The following SCN1A variants were observed in gnomAD, a reference collection of about 807,000 sequenced individuals.
The protein encoded by SCN1A is sodium channel protein type 1 subunit alpha.
SCN1A carries 13 observed loss-of-function variants against 193.7 expected under a neutral mutation model. That is an observed-to-expected ratio of 0.07 (90% confidence interval 0.04 to 0.11). The LOEUF (loss-of-function observed/expected upper bound fraction) is 0.11, where lower values mean the gene tolerates loss of function less well. Among genes scored for constraint, SCN1A ranks in the 10% least tolerant of loss-of-function variants. The pLI, the probability that SCN1A is intolerant of heterozygous loss-of-function variation, is 1.00. For missense variants in SCN1A, 1,432 were observed against 2,451.1 expected (o/e 0.58, Z 8.78); for synonymous variants, 781 against 843.6 (o/e 0.93, Z 1.29).
chr2:166,059,523 A>G (rs4667866), intron 4 of SCN1A: 20,623 of 152,170 alleles, frequency 0.14, 1,768 homozygotes, highest in East Asian at 0.33. Context: ...AAGAAGCAAC[A>G]TGTAAGGGTA....
intron 2 of SCN1A, among the ~76,000 whole-genome samples, chr2:166,090,647 A>C (rs1686699060): frequency 6.6e-6 from 1 of 152,122 alleles, no homozygotes; most frequent in African/African-American, 2.4e-5. Context: ...TTTTCTCATA[A>C]AATGTAACTA....
Position 165,991,018 on chromosome 2 carries a change from G to T in SCN1A, c.*227C>A. The T allele has an allele frequency of 3.8e-6, 2 of 531,350 alleles. No homozygotes were observed. Among genetic ancestry groups the T allele is most frequent in the Non-Finnish European group, 6.7e-6 (2 of 298,910 alleles). The allele number at this position is 531,350 out of a possible 1,614,324, so 32.9% of individuals were successfully genotyped here. A position where few individuals can be genotyped will look rare whatever the true frequency, so the allele number is the denominator to read the frequency against. ...GTGCATCTTATCTTCAGCAGTGTCA[G>T]CTGGTAGTGAGAACAGTAACCTCCT... On this transcript the variant is annotated 3_prime_UTR_variant, in exon 29 of 29. Transcript: ENST00000674923.
intron 19 of SCN1A, among the ~76,000 whole-genome samples, chr2:166,025,830 A>T (rs1287111026): frequency 6.6e-6 from 1 of 152,086 alleles, no homozygotes; most frequent in Non-Finnish European, 1.5e-5. Context: ...ATCCCTTCTT[A>T]ATCATATTAG....
intron 27 of SCN1A, among the ~76,000 whole-genome samples, chr2:165,995,545 A>T (rs1223114979): frequency 6.6e-6 from 1 of 151,808 alleles, no homozygotes; most frequent in Admixed American, 6.6e-5. Context: ...TCCTCCTTTA[A>T]AACACTTAGT....
At chr2:166,009,899 GCTA>G in intron 22 of SCN1A, 58 bp from the exon 23 acceptor site, 2 of 1,497,592 alleles carry the variant, frequency 1.3e-6, no homozygotes, top group Non-Finnish European at 9.3e-7. Context: ...ATGTGTAGTT[GCTA>G]TATAATACAA....
rs371253263 is a variant in SCN1A, at chr2:165,991,488, G to C, written c.5787C>G (p.His1929Gln). Residue 1929 changes from histidine to glutamine, a missense_variant, in exon 29 of 29, where the codon CAC (histidine) becomes CAG (glutamine). Coordinates refer to ENST00000674923, the MANE Select transcript of SCN1A (RefSeq NM_001165963.4). ...CTTGTTTTACAGTTCGCTTTAAAAGGTGGCGTCTGTAAGCACGCTGAATAA... is the reference window on the plus strand; with the variant it reads ...CTTGTTTTACAGTTCGCTTTAAAAGCTGGCGTCTGTAAGCACGCTGAATAA... ...AVIIQRAYRR[H>Q]LLKRTVKQAS... 3 of 1,613,892 alleles carry C rather than the reference G, an allele frequency of 1.9e-6. No individual in the cohort carries two copies. The Admixed American group carries it at 5.0e-5, about 27-fold the overall frequency.
chr2:166,102,060 G>C (rs898982095), intron 2 of SCN1A, among the ~76,000 whole-genome samples: 1 of 151,996 alleles, frequency 6.6e-6, no homozygotes, highest in Admixed American at 6.6e-5. Context: ...AATGGGCAAA[G>C]AATTAAAAAG....
At chr2:166,088,692 A>G (rs976052136) in intron 2 of SCN1A, among the ~76,000 whole-genome samples, 5 of 152,184 alleles carry the variant, frequency 3.3e-5, no homozygotes, top group Non-Finnish European at 5.9e-5. Flanking sequence ...CACCCCCAGT[A>G]AAGTCCCAAA....
intron 2 of SCN1A, among the ~76,000 whole-genome samples, chr2:166,101,879 A>G (rs1044468706): frequency 6.6e-6 from 1 of 152,236 alleles, no homozygotes; most frequent in Non-Finnish European, 1.5e-5. Context: ...AGTGGGACCT[A>G]ATTAAAATAA....
At chr2:166,111,821 A>G (rs1259897606) in intron 2 of SCN1A, among the ~76,000 whole-genome samples, 1 of 152,186 alleles carries the variant, frequency 6.6e-6, no homozygotes, top group Admixed American at 6.6e-5. Flanking sequence ...GAGGGGTACA[A>G]GATTCAGTGG....
chr2:165,990,553 G>A lies in SCN1A; in HGVS notation c.*692C>T, dbSNP rs1460966849. 2.0e-4 allele frequency: 31 copies of A among 152,474 alleles called. No homozygotes were observed. Among genetic ancestry groups the A allele is most frequent in the Non-Finnish European group, 8.8e-5 (6 of 68,058 alleles). 9.4% of individuals were successfully genotyped at this position (152,474 alleles called of 1,614,324 possible). ...CTACTTGGTCTAGGGGCTGGATTTC[G>A]CAAAACAAGATCAACAAAGCACCTC... On this transcript the variant is annotated 3_prime_UTR_variant, in exon 29 of 29. Coordinates refer to ENST00000674923, the MANE Select transcript of SCN1A (RefSeq NM_001165963.4).
At chr2:166,123,987 C>T (rs1267423999) in intron 2 of SCN1A, among the ~76,000 whole-genome samples, 1 of 152,104 alleles carries the variant, frequency 6.6e-6, no homozygotes, top group Non-Finnish European at 1.5e-5. Context: ...TAGATTTCTG[C>T]TTAAAAAAAC....
chr2:166,105,768 ATTCC>A (rs1462698496), intron 2 of SCN1A, among the ~76,000 whole-genome samples: 2 of 152,224 alleles, frequency 1.3e-5, no homozygotes, highest in East Asian at 3.8e-4. Flanking sequence ...AACTTGTCCA[ATTCC>A]TTTTCAGGGA....
chr2:166,147,402 G>GA (rs556208553), intron 1 of SCN1A, among the ~76,000 whole-genome samples: 1 of 152,070 alleles, frequency 6.6e-6, no homozygotes, highest in East Asian at 1.9e-4. Flanking sequence ...ATTTTAAAAT[G>GA]AAAAAATTAA....
intron 1 of SCN1A, among the ~76,000 whole-genome samples, chr2:166,143,404 G>A (rs1018062845): frequency 6.6e-6 from 1 of 151,812 alleles, no homozygotes; most frequent in Non-Finnish European, 1.5e-5. Flanking sequence ...CTGACCTCAT[G>A]ATCTGCCCAC....
intron 17 of SCN1A, 57 bp downstream of exon 17, chr2:166,039,366 A>G: frequency 1.9e-6 from 3 of 1,568,984 alleles, no homozygotes; most frequent in Non-Finnish European, 2.6e-6. Context: ...TTGCTATGCA[A>G]GAACCCTGAT....
In SCN1A at chr2:165,991,180, T is replaced by TA. The variant is rs1689072853; in HGVS notation, c.*64dup. The TA allele has an allele frequency of 6.9e-7, 1 of 1,452,108 alleles. No homozygotes were observed. 90.0% of individuals were successfully genotyped at this position (1,452,108 alleles called of 1,614,324 possible). On this transcript the variant is annotated 3_prime_UTR_variant, in exon 29 of 29. Transcript: ENST00000674923. Reference sequence around the variant, plus strand: ...TGACCTCCTAAAGGAGTCCTGTTGATAAAAATACATCACCTTCACAGGCTG... The same window carrying TA: ...TGACCTCCTAAAGGAGTCCTGTTGATAAAAAATACATCACCTTCACAGGCTG...
chr2:166,054,497 G>T (rs1698924380), intron 7 of SCN1A, 141 bp downstream of exon 7: 1 of 859,982 alleles, frequency 1.2e-6, no homozygotes, highest in Non-Finnish European at 1.8e-6. Flanking sequence ...GACCTTTGTT[G>T]TGCTAAATTG....
chr2:166,038,712 C>T (rs537049305), intron 17 of SCN1A, among the ~76,000 whole-genome samples: 5 of 152,050 alleles, frequency 3.3e-5, no homozygotes, highest in Non-Finnish European at 5.9e-5. Flanking sequence ...GTTCTAAGGC[C>T]GGATATTATA....
Sources: gnomAD v4.1 joint callset for allele counts (sites outside exome capture counted in the v4.1 genomes callset) on GRCh38, gnomAD v4.1.1 for gene constraint, MANE v1.5 for transcripts, NCBI Gene and HGNC (gene_info 2026-07-23, HGNC 2026-07-21) for gene names.